The following LRRC72 variants were observed in gnomAD, a reference collection of about 807,000 sequenced individuals.
LRRC72 encodes the protein leucine rich repeat containing 72.
A neutral mutation model predicts 35.8 loss-of-function variants in LRRC72; 41 were observed. The ratio of observed to expected loss-of-function variants is 1.15; its 90% CI spans 0.89 to 1.49. The LOEUF is 1.49. Among genes scored for constraint, LRRC72 ranks in the 40% most tolerant of loss-of-function variants. The probability of loss-of-function intolerance (pLI) is 0.00; values close to 1 mark genes in which losing one functional copy is unlikely to be tolerated. For missense variants in LRRC72, 389 were observed against 330.7 expected (o/e 1.18, Z -1.37); for synonymous variants, 118 against 119.2 (o/e 0.99, Z 0.07).
At chr7:16,546,308 T>C (rs1292677391) in intron 3 of LRRC72, among the ~76,000 whole-genome samples, 1 of 152,016 alleles carries the variant, frequency 6.6e-6, no homozygotes, top group African/African-American at 2.4e-5. Context: ...GCCCCTACGG[T>C]TTTTCAACCT....
At chr7:16,558,692 G>T (rs569465039) in intron 4 of LRRC72, among the ~76,000 whole-genome samples, 197 bp from the exon 5 acceptor site, 1 of 151,758 alleles carries the variant, frequency 6.6e-6, no homozygotes, top group Non-Finnish European at 1.5e-5. Context: ...TTAATTATAT[G>T]AATTATGCCT....
intron 7 of LRRC72, among the ~76,000 whole-genome samples, chr7:16,573,292 G>GA (rs1242585641): frequency 1.3e-5 from 2 of 151,880 alleles, no homozygotes; most frequent in Admixed American, 6.6e-5. Flanking sequence ...CACAGAATTG[G>GA]AAAAAAACTA....
chr7:16,541,358 G>C (rs1391115961), intron 3 of LRRC72, among the ~76,000 whole-genome samples: 1 of 152,180 alleles, frequency 6.6e-6, no homozygotes, highest in Non-Finnish European at 1.5e-5. Context: ...AGTAAGTCCA[G>C]ATCTCAGCAC....
intron 5 of LRRC72, among the ~76,000 whole-genome samples, chr7:16,565,766 A>C (rs1245301949): frequency 6.6e-6 from 1 of 152,192 alleles, no homozygotes; most frequent in African/African-American, 2.4e-5. Flanking sequence ...TGCAAGAGCC[A>C]CTTCTGCTCA....
intron 3 of LRRC72, among the ~76,000 whole-genome samples, chr7:16,539,804 G>A (rs924649791): frequency 1.3e-5 from 2 of 152,226 alleles, no homozygotes; most frequent in Admixed American, 6.5e-5. Flanking sequence ...ACATGGTGTT[G>A]GGCCTGCAGG....
intron 7 of LRRC72, among the ~76,000 whole-genome samples, chr7:16,576,222 G>C (rs987299393): frequency 6.6e-6 from 1 of 152,046 alleles, no homozygotes; most frequent in African/African-American, 2.4e-5. Flanking sequence ...GCAAACATTT[G>C]TAATAAAACT....
At position 16,546,889 on chromosome 7, in the gene LRRC72, C is replaced by A. The variant is rs60198955; in HGVS notation, c.234+9193C>A. Among the ~76,000 whole-genome samples, 281 of 152,306 alleles carry A rather than the reference C, an allele frequency of 1.8e-3. 2 individuals are homozygous for A. Among genetic ancestry groups the A allele is most frequent in the African/African-American group, 6.4e-3 (266 of 41,558 alleles). On this transcript the variant is annotated intron_variant, in intron 3 of 8. Transcript: ENST00000401542. ...AAAATGTAACACTACTTCACTCTAC[C>A]ACTTCCAACTGATGGTGGTGGCAGA...
In LRRC72 at chr7:16,531,173, A is replaced by ACT. The variant is rs199913227; in HGVS notation, c.91-1316_91-1315dup. 7.7e-3 allele frequency among the ~76,000 whole-genome samples: 1,157 copies of ACT among 149,700 alleles called. 18 individuals are homozygous for ACT. The highest frequency in any genetic ancestry group is 0.026 in the African/African-American group (1,062 of 40,454). On this transcript the variant is annotated intron_variant, in intron 1 of 8. Transcript: ENST00000401542. ...ACTCCAGCCTGGGCAACAGAGCAAA[A>ACT]CTCTCTCAAAAAAAAAAAAAAGAAA...
chr7:16,552,204 C>G (rs10228487), intron 3 of LRRC72, among the ~76,000 whole-genome samples: 60,158 of 152,042 alleles, frequency 0.4, 12,112 homozygotes, highest in East Asian at 0.54. Flanking sequence ...AGCATAATTT[C>G]AGGAACATTC....
chr7:16,533,949 A>C (rs1409854267), intron 2 of LRRC72, among the ~76,000 whole-genome samples: 1 of 152,198 alleles, frequency 6.6e-6, no homozygotes, highest in African/African-American at 2.4e-5. Flanking sequence ...TCACTACAGT[A>C]AGTAGATAAT....
At chr7:16,528,210 C>T (rs971487944) in intron 1 of LRRC72, among the ~76,000 whole-genome samples, 15 of 152,130 alleles carry the variant, frequency 9.9e-5, no homozygotes, top group African/African-American at 3.1e-4. Context: ...AATCATCCTC[C>T]TCTGTCTCCT....
intron 5 of LRRC72, among the ~76,000 whole-genome samples, chr7:16,560,904 T>TA (rs898732357): frequency 3.3e-5 from 5 of 152,090 alleles, no homozygotes; most frequent in Non-Finnish European, 7.4e-5. Context: ...TCTTTCCTGT[T>TA]AAAAAAATGA....
intron 5 of LRRC72, among the ~76,000 whole-genome samples, chr7:16,565,594 C>T (rs1156350513): frequency 6.6e-6 from 1 of 152,142 alleles, no homozygotes; most frequent in African/African-American, 2.4e-5. Context: ...TAACTATGTG[C>T]TGATTCCCAA....
intron 5 of LRRC72, among the ~76,000 whole-genome samples, chr7:16,561,100 T>A (rs1454403324): frequency 2.0e-5 from 3 of 152,102 alleles, no homozygotes; most frequent in Non-Finnish European, 4.4e-5. Flanking sequence ...TATAATCTAT[T>A]CATTCATTCA....
chr7:16,543,239 T>C (rs1054360744), intron 3 of LRRC72, among the ~76,000 whole-genome samples: 7 of 152,190 alleles, frequency 4.6e-5, no homozygotes, highest in African/African-American at 1.7e-4. Flanking sequence ...AGAAATGATA[T>C]AGAGATTTGT....
At chr7:16,549,024 A>C (rs1173009965) in intron 3 of LRRC72, among the ~76,000 whole-genome samples, 1 of 152,208 alleles carries the variant, frequency 6.6e-6, no homozygotes, top group African/African-American at 2.4e-5. Flanking sequence ...GGCACATAGT[A>C]GATGCTCAGC....
chr7:16,536,500 C>T (rs1052259968), intron 2 of LRRC72, among the ~76,000 whole-genome samples: 3 of 151,580 alleles, frequency 2.0e-5, no homozygotes, highest in Non-Finnish European at 2.9e-5. Flanking sequence ...AATGATTCAC[C>T]GAGAAAATTA....
chr7:16,572,737 T>G (rs1031022145), intron 7 of LRRC72, among the ~76,000 whole-genome samples: 1 of 152,118 alleles, frequency 6.6e-6, no homozygotes, highest in African/African-American at 2.4e-5. Flanking sequence ...CTTTGAAAAC[T>G]GGCACAAGAC....
chr7:16,548,817 G>C (rs964585934), intron 3 of LRRC72, among the ~76,000 whole-genome samples: 2 of 152,206 alleles, frequency 1.3e-5, no homozygotes, highest in Non-Finnish European at 2.9e-5. Flanking sequence ...TTTCCAGCTG[G>C]TGAAGCAATA....
Sources: gnomAD v4.1 joint callset for allele counts (sites outside exome capture counted in the v4.1 genomes callset) on GRCh38, gnomAD v4.1.1 for gene constraint, MANE v1.5 for transcripts, NCBI Gene and HGNC (gene_info 2026-07-23, HGNC 2026-07-21) for gene names.